The following AKAP7 variants were observed in gnomAD, a reference collection of about 807,000 sequenced individuals.
The protein encoded by AKAP7 is A-kinase anchoring protein 7, also known as A kinase (PRKA) anchor protein 7.
Under a neutral mutation model 39.5 loss-of-function variants are expected in AKAP7, and 39 were observed. That is an observed-to-expected ratio of 0.99 (90% CI 0.76 to 1.29). The LOEUF (loss-of-function observed/expected upper bound fraction) is 1.29, where lower values mean the gene tolerates loss of function less well. AKAP7 is among the 50% of genes most tolerant of loss of function. The pLI is 0.00. For synonymous variants in AKAP7, 140 were observed against 139.1 expected, an observed-to-expected ratio of 1.01 and a Z score of -0.05; for missense variants, 414 against 407.7, an observed-to-expected ratio of 1.02 and a Z score of -0.13.
chr6:131,239,227 A>G (rs1012354441), intron 7 of AKAP7, among the ~76,000 whole-genome samples: 5 of 152,206 alleles, frequency 3.3e-5, no homozygotes, highest in Admixed American at 2.0e-4. Flanking sequence ...AGAATGTTGA[A>G]TATTGGCCCC....
At chr6:131,130,598 C>A (rs1371484527), upstream of AKAP7, among the ~76,000 whole-genome samples, 1 of 152,068 alleles carries the variant, frequency 6.6e-6, no homozygotes, top group Non-Finnish European at 1.5e-5. Flanking sequence ...GCCCAGCTGA[C>A]CTTGTTCTTT....
At chr6:131,239,579 C>A (rs1811357280) in intron 7 of AKAP7, among the ~76,000 whole-genome samples, 1 of 152,160 alleles carries the variant, frequency 6.6e-6, no homozygotes, top group African/African-American at 2.4e-5. Flanking sequence ...CACATAGTGC[C>A]ATATTTCTTG....
upstream of AKAP7, among the ~76,000 whole-genome samples, chr6:131,132,489 A>G (rs1294966157): frequency 3.3e-5 from 5 of 151,854 alleles, no homozygotes; most frequent in African/African-American, 1.2e-4. Context: ...CTCCCTGACT[A>G]TTAGTACACA....
At chr6:131,181,146 G>A (rs1437013055) in intron 5 of AKAP7, among the ~76,000 whole-genome samples, 4 of 152,056 alleles carry the variant, frequency 2.6e-5, no homozygotes, top group African/African-American at 9.7e-5. Flanking sequence ...ATGTTGGCCA[G>A]GCTGGTATCA....
intron 7 of AKAP7, among the ~76,000 whole-genome samples, chr6:131,264,026 C>T (rs1181794068): frequency 6.6e-6 from 1 of 152,004 alleles, no homozygotes; most frequent in Non-Finnish European, 1.5e-5. Context: ...TTTATGTTTC[C>T]TTTGGGTCCT....
chr6:131,282,442 G>C lies in AKAP7; in HGVS notation c.*716G>C. ...TTCGAGACTTAATTAATGAAGCTTTGCATCGAGAAACGATGGGTCTGAAGT... is the reference window on the plus strand; with the variant it reads ...TTCGAGACTTAATTAATGAAGCTTTCCATCGAGAAACGATGGGTCTGAAGT... On this transcript the variant is annotated 3_prime_UTR_variant, in exon 8 of 8. Transcript: ENST00000431975. 1 of 1,528,956 alleles carries C rather than the reference G, an allele frequency of 6.5e-7. No homozygotes were observed. The highest frequency in any genetic ancestry group is 8.8e-7 in the Non-Finnish European group (1 of 1,142,820). The allele number at this position is 1,528,956 out of a possible 1,614,324, so 94.7% of individuals were successfully genotyped here. A position where few individuals can be genotyped will look rare whatever the true frequency, so the allele number is the denominator to read the frequency against.
At chr6:131,171,636 G>T (rs1804060387) in intron 5 of AKAP7, among the ~76,000 whole-genome samples, 1 of 152,214 alleles carries the variant, frequency 6.6e-6, no homozygotes, top group Non-Finnish European at 1.5e-5. Context: ...TAAGCAGCAT[G>T]TAATGGGGTT....
chr6:131,182,983 G>GA (rs1466257598), intron 5 of AKAP7, among the ~76,000 whole-genome samples: 1 of 151,942 alleles, frequency 6.6e-6, no homozygotes, highest in African/African-American at 2.4e-5. Context: ...AATTTTGGGG[G>GA]AAAAAAAGCT....
chr6:131,232,248 C>G (rs185803639), intron 7 of AKAP7, among the ~76,000 whole-genome samples: 1 of 152,074 alleles, frequency 6.6e-6, no homozygotes. Flanking sequence ...AGGTATTTCA[C>G]GAGTTATTTG....
intron 7 of AKAP7, among the ~76,000 whole-genome samples, chr6:131,233,227 G>A (rs1461702793): frequency 1.3e-5 from 2 of 152,120 alleles, no homozygotes; most frequent in African/African-American, 4.8e-5. Context: ...GAAACATGGA[G>A]GAATTGGAGA....
At chr6:131,191,137 G>A (rs1447847072) in intron 5 of AKAP7, among the ~76,000 whole-genome samples, 1 of 152,168 alleles carries the variant, frequency 6.6e-6, no homozygotes, top group Non-Finnish European at 1.5e-5. Context: ...TGGAAATTAT[G>A]CTCTAATCAG....
intron 6 of AKAP7, among the ~76,000 whole-genome samples, chr6:131,215,361 T>C (rs1213973039): frequency 1.3e-5 from 2 of 152,216 alleles, no homozygotes; most frequent in African/African-American, 4.8e-5. Context: ...CCCTGGGTGC[T>C]GGACATGATC....
chr6:131,196,959 T>C (rs1308576878), intron 5 of AKAP7, among the ~76,000 whole-genome samples: 1 of 152,144 alleles, frequency 6.6e-6, no homozygotes, highest in African/African-American at 2.4e-5. Context: ...ATGTATTATA[T>C]TTATAACTCT....
chr6:131,175,324 A>G (rs1468177248), intron 5 of AKAP7, among the ~76,000 whole-genome samples: 1 of 152,198 alleles, frequency 6.6e-6, no homozygotes, highest in Non-Finnish European at 1.5e-5. Context: ...ATATCCATAT[A>G]TAAGTGGACC....
intron 1 of AKAP7, among the ~76,000 whole-genome samples, chr6:131,139,867 C>T (rs1260470943): frequency 6.6e-6 from 1 of 152,176 alleles, no homozygotes; most frequent in African/African-American, 2.4e-5. Context: ...TGTATGGTCA[C>T]TTTACCTTAG....
At chr6:131,215,604 A>G in intron 6 of AKAP7, among the ~76,000 whole-genome samples, 1 of 152,260 alleles carries the variant, frequency 6.6e-6, no homozygotes, top group East Asian at 1.9e-4. Flanking sequence ...AAATGGAGTT[A>G]TGCAAAGAGG....
intron 1 of AKAP7, among the ~76,000 whole-genome samples, chr6:131,142,758 C>T (rs902802893): frequency 1.7e-4 from 26 of 152,370 alleles, no homozygotes; most frequent in South Asian, 4.1e-4. Context: ...AGCTTACACC[C>T]TGAGCTTGGA....
chr6:131,258,190 C>A (rs1295756657), intron 7 of AKAP7, among the ~76,000 whole-genome samples: 2 of 152,094 alleles, frequency 1.3e-5, no homozygotes, highest in African/African-American at 2.4e-5. Context: ...TGTTGTTGAG[C>A]CCATGATTCA....
intron 7 of AKAP7, among the ~76,000 whole-genome samples, chr6:131,226,090 A>G (rs1181974930): frequency 1.3e-5 from 2 of 152,204 alleles, no homozygotes; most frequent in Non-Finnish European, 2.9e-5. Context: ...AGTTTCCTGG[A>G]TGGAGTAATA....
Sources: gnomAD v4.1 joint callset for allele counts (sites outside exome capture counted in the v4.1 genomes callset) on GRCh38, gnomAD v4.1.1 for gene constraint, MANE v1.5 for transcripts, NCBI Gene and HGNC (gene_info 2026-07-23, HGNC 2026-07-21) for gene names.